Variants in RASSF3 observed in about 807,000 individuals in gnomAD.
RASSF3 encodes the protein Ras association domain family member 3.
A neutral mutation model predicts 19.9 loss-of-function variants in RASSF3; 19 were observed. The observed-to-expected ratio is 0.96, with a 90% CI of 0.67 to 1.40. The LOEUF (loss-of-function observed/expected upper bound fraction) is 1.40, where lower values mean the gene tolerates loss of function less well. Among genes scored for constraint, RASSF3 ranks in the 40% most tolerant of loss-of-function variants. RASSF3 has a pLI of 0.00. For synonymous variants in RASSF3, 110 were observed against 104.2 expected, an observed-to-expected ratio of 1.06 and a Z score of -0.34; for missense variants, 306 against 289.8, an observed-to-expected ratio of 1.06 and a Z score of -0.41.
At position 64,695,203 on chromosome 12, in the gene RASSF3, G is replaced by T. The variant is rs574564061; in HGVS notation, c.*291G>T. On this transcript the variant is annotated 3_prime_UTR_variant, in exon 5 of 5. Transcript: ENST00000542104. The stretch of plus-strand genomic sequence containing the variant: ...GTGCTTGGAAGCATGAACTCTGGGG[G>T]TGTTTTTTTTTTTGGTTATTTTAAT... 14 of 299,416 alleles carry T rather than the reference G, an allele frequency of 4.7e-5. No individual in the cohort carries two copies. The highest frequency in any genetic ancestry group is 8.0e-5 in the Non-Finnish European group (13 of 162,296). The allele number at this position is 299,416 out of a possible 1,614,324, so 18.5% of individuals were successfully genotyped here.
intron 2 of RASSF3, among the ~76,000 whole-genome samples, chr12:64,602,272 AT>A (rs564425315): frequency 7.7e-4 from 111 of 143,450 alleles, no homozygotes; most frequent in Admixed American, 9.2e-4. Flanking sequence ...CCTCATCTCT[AT>A]TTTTTTTTTT....
chr12:64,646,117 TTATC>T (rs1478100783), intron 1 of RASSF3, among the ~76,000 whole-genome samples: 3 of 133,350 alleles, frequency 2.2e-5, no homozygotes, highest in Non-Finnish European at 5.3e-5. Context: ...ATATCATTAT[TTATC>T]CATTCTCTTG....
chr12:64,610,442 C>A (rs1368113125), upstream of RASSF3: 1 of 192,678 alleles, frequency 5.2e-6, no homozygotes, highest in Non-Finnish European at 1.0e-5. Context: ...GCACCGGGGC[C>A]GAGCCGCGCC....
chr12:64,545,170 T>G (rs1430021137), downstream of RASSF3, among the ~76,000 whole-genome samples: 4 of 152,204 alleles, frequency 2.6e-5, no homozygotes, highest in African/African-American at 9.6e-5. Flanking sequence ...GGATTGGGGA[T>G]GCAGCTTGTA....
chr12:64,589,882 A>G (rs1869887498), intron 2 of RASSF3, among the ~76,000 whole-genome samples: 1 of 151,524 alleles, frequency 6.6e-6, no homozygotes, highest in African/African-American at 2.4e-5. Flanking sequence ...CGTGCCTGTA[A>G]CCCCAGCTAC....
At chr12:64,539,603 C>A (rs1446423097) in intron 1 of RASSF3, among the ~76,000 whole-genome samples, 1 of 151,966 alleles carries the variant, frequency 6.6e-6, no homozygotes, top group African/African-American at 2.4e-5. Flanking sequence ...TGGTGAAACC[C>A]CATCTCTACA....
chr12:64,685,211 T>C (rs1873300435), intron 2 of RASSF3, among the ~76,000 whole-genome samples: 1 of 151,958 alleles, frequency 6.6e-6, no homozygotes. Context: ...ACAGAAATGG[T>C]GACTCAGATT....
At chr12:64,537,156 T>C (rs1015513503) in intron 1 of RASSF3, among the ~76,000 whole-genome samples, 4 of 152,178 alleles carry the variant, frequency 2.6e-5, no homozygotes, top group Non-Finnish European at 5.9e-5. Flanking sequence ...TCCTTCTCAG[T>C]CTCCCTCAAT....
intron 1 of RASSF3, among the ~76,000 whole-genome samples, chr12:64,520,954 T>G (rs1473762390): frequency 6.6e-6 from 1 of 151,946 alleles, no homozygotes; most frequent in Admixed American, 6.6e-5. Context: ...AGCCTTCTGA[T>G]GAAAGAGATC....
chr12:64,667,984 C>T (rs1592457221), intron 1 of RASSF3, among the ~76,000 whole-genome samples: 1 of 152,310 alleles, frequency 6.6e-6, no homozygotes, highest in South Asian at 2.1e-4. Context: ...AGGTTTTTCT[C>T]CTGGGCTCTA....
At chr12:64,535,853 A>C (rs990379048) in intron 1 of RASSF3, among the ~76,000 whole-genome samples, 2 of 149,086 alleles carry the variant, frequency 1.3e-5, no homozygotes, top group African/African-American at 5.0e-5. Flanking sequence ...ACACCCACCT[A>C]ATTTTGTATT....
intron 1 of RASSF3, among the ~76,000 whole-genome samples, chr12:64,647,499 C>T (rs913479425): frequency 2.6e-5 from 4 of 151,796 alleles, no homozygotes; most frequent in Non-Finnish European, 4.4e-5. Flanking sequence ...CAACCTCCGC[C>T]TCCCGATTTC....
At chr12:64,612,483 T>TTC (rs1158255747) in intron 1 of RASSF3, among the ~76,000 whole-genome samples, 1 of 148,616 alleles carries the variant, frequency 6.7e-6, no homozygotes, top group East Asian at 2.0e-4. Context: ...GCGTTTCTTT[T>TTC]TTTTTTTTTT....
chr12:64,613,347 A>ATTT (rs372033341), intron 1 of RASSF3, among the ~76,000 whole-genome samples: 2 of 145,522 alleles, frequency 1.4e-5, no homozygotes, highest in African/African-American at 5.0e-5. Context: ...AGATACAGTG[A>ATTT]TTTTTTTTTT....
intron 3 of RASSF3, 144 bp downstream of exon 3, chr12:64,688,597 GCATGCAC>G: frequency 1.4e-6 from 1 of 705,610 alleles, no homozygotes; most frequent in Non-Finnish European, 2.5e-6. Context: ...GGTGATCTTA[GCATGCAC>G]TTAGTGCTTC....
downstream of RASSF3, among the ~76,000 whole-genome samples, chr12:64,546,095 CAAAAAAAAA>C (rs34666595): frequency 1.7e-5 from 1 of 59,544 alleles, no homozygotes; most frequent in Non-Finnish European, 3.0e-5. Flanking sequence ...GACTCCGTCT[CAAAAAAAAA>C]AAAAAAAAAA....
chr12:64,541,198 C>A (rs1436632534), intron 1 of RASSF3, among the ~76,000 whole-genome samples: 1 of 150,378 alleles, frequency 6.6e-6, no homozygotes, highest in Non-Finnish European at 1.5e-5. Context: ...GTTGCCCAGG[C>A]TGGTATTGAA....
At chr12:64,604,129 CTT>C (rs201730918) in intron 2 of RASSF3, among the ~76,000 whole-genome samples, 60 of 125,818 alleles carry the variant, frequency 4.8e-4, no homozygotes, top group East Asian at 3.5e-3. Context: ...TACAGGTTTT[CTT>C]TTTTTTTTTT....
chr12:64,594,102 G>A (rs1869963830), intron 2 of RASSF3, among the ~76,000 whole-genome samples: 1 of 151,754 alleles, frequency 6.6e-6, no homozygotes, highest in African/African-American at 2.4e-5. Context: ...GGAGGCCAAG[G>A]TGGGAGGATT....
Sources: gnomAD v4.1 joint callset for allele counts (sites outside exome capture counted in the v4.1 genomes callset) on GRCh38, gnomAD v4.1.1 for gene constraint, MANE v1.5 for transcripts, NCBI Gene and HGNC (gene_info 2026-07-23, HGNC 2026-07-21) for gene names.